Variants in DYNC1LI1 observed in about 807,000 individuals in gnomAD.
DYNC1LI1 encodes dynein cytoplasmic 1 light intermediate chain 1, also known as cytoplasmic dynein 1 light intermediate chain 1.
DYNC1LI1 carries 19 observed loss-of-function variants against 63.8 expected under a neutral mutation model. The observed-to-expected ratio is 0.30, with a 90% confidence interval of 0.21 to 0.44. The LOEUF is 0.44. Among genes scored for constraint, DYNC1LI1 ranks in the 20% least tolerant of loss-of-function variants. The pLI is 1.00. For synonymous variants in DYNC1LI1, 225 were observed against 232.3 expected (o/e 0.97, Z 0.28); for missense variants, 565 against 630.2 (o/e 0.90, Z 1.11).
intron 2 of DYNC1LI1, among the ~76,000 whole-genome samples, chr3:32,561,573 G>C (rs1379575785): frequency 6.6e-6 from 1 of 151,986 alleles, no homozygotes; most frequent in East Asian, 1.9e-4. Context: ...AGGTTGTAGT[G>C]AGGCAAGATG....
chr3:32,526,735 G>A lies in DYNC1LI1; in HGVS notation c.*64C>T. Reference sequence around the variant, plus strand: ...CCAGCTTTCTAATTCCACTTTTGAAGGAAAAGGCAGAGGCATGTTTACATT... The same window carrying A: ...CCAGCTTTCTAATTCCACTTTTGAAAGAAAAGGCAGAGGCATGTTTACATT... On this transcript the variant is annotated 3_prime_UTR_variant, in exon 13 of 13. Coordinates refer to ENST00000273130, the MANE Select transcript of DYNC1LI1 (RefSeq NM_016141.4). 1 of 1,259,348 alleles carries A rather than the reference G, an allele frequency of 7.9e-7. No homozygotes were observed. The highest frequency in any genetic ancestry group is 1.1e-6 in the Non-Finnish European group (1 of 872,038). The allele number at this position is 1,259,348 out of a possible 1,614,324, so 78.0% of individuals were successfully genotyped here.
At chr3:32,543,081 G>A (rs954009093) in intron 4 of DYNC1LI1, among the ~76,000 whole-genome samples, 1 of 152,124 alleles carries the variant, frequency 6.6e-6, no homozygotes, top group African/African-American at 2.4e-5. Context: ...AGGATGGGGA[G>A]TGAAAAATGT....
intron 2 of DYNC1LI1, among the ~76,000 whole-genome samples, chr3:32,548,455 G>A (rs1575155269): frequency 6.6e-6 from 1 of 152,084 alleles, no homozygotes; most frequent in African/African-American, 2.4e-5. Context: ...AAAAAGACTG[G>A]GGACTGCTGT....
At position 32,557,820 on chromosome 3, in the gene DYNC1LI1, C is replaced by T. The variant is rs531936967; in HGVS notation, c.221-11855G>A. ...GCTGGCAGTGAAACAGACACATCAG[C>T]TTTAAGACTGGCAGCCAAATAGTTA... is the stretch of plus-strand genomic sequence containing the variant. On this transcript the variant is annotated intron_variant, in intron 2 of 12. Transcript: ENST00000273130. Among the ~76,000 whole-genome samples, 10 of 152,278 alleles carry T rather than the reference C, an allele frequency of 6.6e-5. No individual in the cohort carries two copies. The South Asian group carries it at 2.1e-3, about 32-fold the overall frequency.
chr3:32,549,798 A>G (rs1698007301), intron 2 of DYNC1LI1, among the ~76,000 whole-genome samples: 1 of 152,172 alleles, frequency 6.6e-6, no homozygotes. Flanking sequence ...AATATACACA[A>G]TTTTTGTCAG....
chr3:32,528,421 A>G (rs770099214), intron 12 of DYNC1LI1, 25 bp downstream of exon 12: 1 of 1,613,702 alleles, frequency 6.2e-7, no homozygotes, highest in East Asian at 2.2e-5. Flanking sequence ...ATTTTAAACA[A>G]GTGACTTGCT....
intron 2 of DYNC1LI1, chr3:32,566,644 A>T: frequency 2.5e-6 from 1 of 400,828 alleles, no homozygotes; most frequent in Non-Finnish European, 4.9e-6. Flanking sequence ...AGGCTGAGGC[A>T]GGAGAATCGC....
intron 8 of DYNC1LI1, chr3:32,532,758 A>G (rs767793524): frequency 1.1e-5 from 7 of 633,168 alleles, no homozygotes; most frequent in Non-Finnish European, 1.4e-5. Context: ...ACAATTGCTA[A>G]TATAAATATG....
intron 2 of DYNC1LI1, among the ~76,000 whole-genome samples, chr3:32,547,448 T>G (rs995724224): frequency 1.3e-5 from 2 of 152,088 alleles, no homozygotes; most frequent in African/African-American, 4.8e-5. Flanking sequence ...AATTTAAAAA[T>G]TGTCTTCATT....
At chr3:32,543,150 A>C (rs990828407) in intron 4 of DYNC1LI1, among the ~76,000 whole-genome samples, 1 of 152,168 alleles carries the variant, frequency 6.6e-6, no homozygotes, top group Non-Finnish European at 1.5e-5. Context: ...AGGGAACCAC[A>C]GTTCAACAAC....
chr3:32,544,848 C>T, intron 4 of DYNC1LI1, 28 bp downstream of exon 4: 1 of 1,490,810 alleles, frequency 6.7e-7, no homozygotes, highest in Non-Finnish European at 9.3e-7. Context: ...GTATTTGAAA[C>T]CTACATTACT....
chr3:32,558,095 A>G (rs1698139411), intron 2 of DYNC1LI1, among the ~76,000 whole-genome samples: 1 of 152,168 alleles, frequency 6.6e-6, no homozygotes, highest in Non-Finnish European at 1.5e-5. Context: ...TTAGGCAGGC[A>G]TGGTGGCACA....
At chr3:32,562,228 A>G (rs1698203723) in intron 2 of DYNC1LI1, among the ~76,000 whole-genome samples, 1 of 152,186 alleles carries the variant, frequency 6.6e-6, no homozygotes, top group South Asian at 2.1e-4. Context: ...ACACTACCGC[A>G]CTCCAGCCTG....
chr3:32,545,449 A>G, intron 3 of DYNC1LI1: 1 of 343,948 alleles, frequency 2.9e-6, no homozygotes, highest in South Asian at 3.8e-5. Flanking sequence ...TCAAGATATC[A>G]TATACAAAAA....
At chr3:32,527,614 C>G (rs1236131079) in intron 12 of DYNC1LI1, among the ~76,000 whole-genome samples, 1 of 151,882 alleles carries the variant, frequency 6.6e-6, no homozygotes, top group Non-Finnish European at 1.5e-5. Context: ...CCTTCAAAAC[C>G]TTTGTTTAAA....
chr3:32,535,452 G>C (rs903967177), intron 6 of DYNC1LI1, among the ~76,000 whole-genome samples: 1 of 152,160 alleles, frequency 6.6e-6, no homozygotes, highest in East Asian at 1.9e-4. Flanking sequence ...GAAATGCTGG[G>C]AGTACAGTCT....
intron 2 of DYNC1LI1, among the ~76,000 whole-genome samples, chr3:32,554,248 C>T (rs972889393): frequency 1.3e-5 from 2 of 152,170 alleles, no homozygotes; most frequent in African/African-American, 2.4e-5. Context: ...TTTTTCTCTG[C>T]TAGAATTTTA....
intron 5 of DYNC1LI1, 49 bp from the exon 6 acceptor site, chr3:32,537,153 T>A: frequency 9.6e-7 from 1 of 1,044,700 alleles, no homozygotes; most frequent in Non-Finnish European, 1.4e-6. Flanking sequence ...TAATCATAAC[T>A]AAATATAGTA....
At chr3:32,558,846 CAAA>C (rs35953455) in intron 2 of DYNC1LI1, among the ~76,000 whole-genome samples, 1 of 132,112 alleles carries the variant, frequency 7.6e-6, no homozygotes. Flanking sequence ...AACTCCATCT[CAAA>C]AAAAAAAAAA....
Sources: gnomAD v4.1 joint callset for allele counts (sites outside exome capture counted in the v4.1 genomes callset) on GRCh38, gnomAD v4.1.1 for gene constraint, MANE v1.5 for transcripts, NCBI Gene and HGNC (gene_info 2026-07-23, HGNC 2026-07-21) for gene names.